The following C2orf49 variants were observed in gnomAD, a reference collection of about 807,000 sequenced individuals.
C2orf49 encodes tRNA-splicing ligase complex subunit ASW.
A neutral mutation model predicts 20.6 loss-of-function variants in C2orf49; 11 were observed. That is an observed-to-expected ratio of 0.53 (90% confidence interval 0.34 to 0.88). C2orf49 has a LOEUF of 0.88. Among genes scored for constraint, C2orf49 ranks in the 40% least tolerant of loss-of-function variants. C2orf49 has a pLI of 0.02. For synonymous variants in C2orf49, 134 were observed against 108.5 expected (o/e 1.24, Z -1.46); for missense variants, 289 against 274.2 (o/e 1.05, Z -0.38).
chr2:105,344,564 T>G (rs1278410591), intron 3 of C2orf49, among the ~76,000 whole-genome samples: 1 of 151,924 alleles, frequency 6.6e-6, no homozygotes, highest in African/African-American at 2.4e-5. Flanking sequence ...CATTTCCCAT[T>G]GACTTTGTGT....
chr2:105,354,869 G>T, the C2orf49 span, among the ~76,000 whole-genome samples: 1 of 152,120 alleles, frequency 6.6e-6, no homozygotes, highest in Non-Finnish European at 1.5e-5. Flanking sequence ...TTATAATTAG[G>T]TTTTTCATTT....
At chr2:105,343,847 A>T (rs1679739761) in intron 3 of C2orf49, among the ~76,000 whole-genome samples, 1 of 151,458 alleles carries the variant, frequency 6.6e-6, no homozygotes, top group Admixed American at 6.6e-5. Context: ...GAGATGATTT[A>T]TATATATATA....
In C2orf49 at chr2:105,339,609, A is replaced by G. The variant is rs1679609924; in HGVS notation, c.126A>G (p.Val42=). 1 of 1,596,722 alleles carries G rather than the reference A, an allele frequency of 6.3e-7. No individual in the cohort carries two copies. Residue 42 remains valine, a synonymous_variant, in exon 2 of 4, where the codon GTA becomes GTG. Transcript: ENST00000258457. ...AGAACATAGCTGTTGAAACTGATGTAAGAGTAAACAAAGACAGTCTTACTG... is the reference window on the plus strand; with the variant it reads ...AGAACATAGCTGTTGAAACTGATGTGAGAGTAAACAAAGACAGTCTTACTG... The part of the protein sequence containing the change: ...EQKNIAVETD[V]RVNKDSLTDL...
intron 3 of C2orf49, among the ~76,000 whole-genome samples, chr2:105,344,557 T>C (rs897862183): frequency 6.6e-6 from 1 of 151,972 alleles, no homozygotes; most frequent in African/African-American, 2.4e-5. Flanking sequence ...TTATTAACAT[T>C]TCCCATTGAC....
In C2orf49 at chr2:105,348,876, A is replaced by G. The variant is rs529009788; in HGVS notation, c.*3505A>G. ...AGTATTCTTTATAGTACAACTTTCT[A>G]TACCTGGATTGATTAAGATCAGATG... is the stretch of plus-strand genomic sequence containing the variant. On this transcript the variant is annotated 3_prime_UTR_variant, in exon 4 of 4. Coordinates refer to ENST00000258457, the MANE Select transcript of C2orf49 (RefSeq NM_024093.3). 7 of 152,300 alleles carry G rather than the reference A, an allele frequency of 4.6e-5. No individual in the cohort carries two copies. Among genetic ancestry groups the G allele is most frequent in the Non-Finnish European group, 8.8e-5 (6 of 68,026 alleles). The allele number at this position is 152,300 out of a possible 1,614,324, so 9.4% of individuals were successfully genotyped here.
chr2:105,364,482 C>T, the C2orf49 span, among the ~76,000 whole-genome samples: 3 of 152,202 alleles, frequency 2.0e-5, no homozygotes, highest in Non-Finnish European at 4.4e-5. Flanking sequence ...CTTAGAACAT[C>T]TGTGAGGTGA....
downstream of C2orf49, among the ~76,000 whole-genome samples, chr2:105,351,389 C>T (rs748191982): frequency 8.6e-4 from 119 of 138,546 alleles, no homozygotes; most frequent in Non-Finnish European, 1.4e-3. Flanking sequence ...AACAAACTCA[C>T]TTAAGGAATG....
chr2:105,343,389 G>A (rs984636931), intron 3 of C2orf49, among the ~76,000 whole-genome samples, 166 bp downstream of exon 3: 1 of 152,074 alleles, frequency 6.6e-6, no homozygotes, highest in African/African-American at 2.4e-5. Flanking sequence ...CTTGAATCCT[G>A]GAATTTAAAA....
the C2orf49 span, among the ~76,000 whole-genome samples, chr2:105,380,069 A>G: frequency 6.6e-6 from 1 of 152,236 alleles, no homozygotes; most frequent in Admixed American, 6.5e-5. Context: ...GCTTCTTAAG[A>G]AAGTTCACAA....
chr2:105,364,566 C>T, the C2orf49 span, among the ~76,000 whole-genome samples: 1 of 152,194 alleles, frequency 6.6e-6, no homozygotes, highest in East Asian at 1.9e-4. Context: ...CCAAATGTTG[C>T]ATCTCACATT....
rs1464580910 is a variant in C2orf49, at chr2:105,348,348, A to G, written c.*2977A>G. 2 of 152,160 alleles carry G rather than the reference A, an allele frequency of 1.3e-5. No individual in the cohort carries two copies. Among genetic ancestry groups the G allele is most frequent in the South Asian group, 2.1e-4 (1 of 4,826 alleles). The allele number at this position is 152,160 out of a possible 1,614,324, so 9.4% of individuals were successfully genotyped here. On this transcript the variant is annotated 3_prime_UTR_variant, in exon 4 of 4. Transcript: ENST00000258457. The stretch of plus-strand genomic sequence containing the variant: ...TTGGAAAGTTGGTTCAGTTACTACT[A>G]TGAGGCCATAATATATTTGCTGGTA...
chr2:105,376,157 A>G, the C2orf49 span: 1 of 152,192 alleles, frequency 6.6e-6, no homozygotes, highest in African/African-American at 2.4e-5. Flanking sequence ...CCTGCAAGGT[A>G]AATGTTATTA....
the C2orf49 span, among the ~76,000 whole-genome samples, chr2:105,381,406 A>G: frequency 6.6e-6 from 1 of 152,118 alleles, no homozygotes; most frequent in Non-Finnish European, 1.5e-5. Context: ...GTGTATAGAC[A>G]TGGAAACGGA....
At chr2:105,378,805 TTG>T in the C2orf49 span, 1 of 152,382 alleles carries the variant, frequency 6.6e-6, no homozygotes, top group African/African-American at 2.4e-5. Flanking sequence ...TTCTTAAGTT[TTG>T]TGGTGTACAA....
the C2orf49 span, among the ~76,000 whole-genome samples, chr2:105,384,981 G>A: frequency 6.6e-6 from 1 of 152,194 alleles, no homozygotes; most frequent in East Asian, 1.9e-4. Flanking sequence ...AAGTCGTCAG[G>A]TGCAGTGAGA....
At position 105,347,395 on chromosome 2, in the gene C2orf49, G is replaced by C. The variant is rs575824423; in HGVS notation, c.*2024G>C. 6.6e-6 allele frequency: 1 copy of C among 152,180 alleles called. No individual in the cohort carries two copies. The highest frequency in any genetic ancestry group is 1.5e-5 in the Non-Finnish European group (1 of 68,018). The allele number at this position is 152,180 out of a possible 1,614,324, so 9.4% of individuals were successfully genotyped here. A position where few individuals can be genotyped will look rare whatever the true frequency, so the allele number is the denominator to read the frequency against. ...TTAGTTGAGAGAGAGTTAGCCATTT[G>C]ACGATTTTAAGTCAGTGGGAACTTA... On this transcript the variant is annotated 3_prime_UTR_variant, in exon 4 of 4. Coordinates refer to ENST00000258457, the MANE Select transcript of C2orf49 (RefSeq NM_024093.3).
At chr2:105,367,823 CCCTCTAGTTTTATGACCAGAGCAAG>C in the C2orf49 span, 4 of 1,415,098 alleles carry the variant, frequency 2.8e-6, no homozygotes, top group African/African-American at 4.3e-5. Flanking sequence ...GAGCTTGCTG[CCCTCTAGTTTTATGACCAGAGCAAG>C]CCACTTCAGC....
chr2:105,373,534 G>A, the C2orf49 span: 18 of 1,613,614 alleles, frequency 1.1e-5, no homozygotes, highest in Admixed American at 1.2e-4. Context: ...ACTGGCTCAC[G>A]CATGAGAAAG....
downstream of C2orf49, among the ~76,000 whole-genome samples, chr2:105,352,429 GTTTTTT>G (rs61585149): frequency 1.2e-5 from 1 of 80,758 alleles, no homozygotes; most frequent in Non-Finnish European, 2.1e-5. Context: ...GTTTGTTTGG[GTTTTTT>G]TTTTTTTTTT....
Sources: allele counts gnomAD v4.1 joint callset (sites outside exome capture counted in the v4.1 genomes callset), GRCh38; gene constraint gnomAD v4.1.1; transcripts MANE v1.5; gene names NCBI Gene and HGNC (gene_info 2026-07-23, HGNC 2026-07-21).